The following KLHL1 variants were observed in gnomAD, a reference collection of about 807,000 sequenced individuals.
KLHL1 encodes kelch like family member 1, also known as kelch-like protein 1.
In KLHL1, 47 loss-of-function variants were observed where a neutral mutation model predicts 77.7. The ratio of observed to expected loss-of-function variants is 0.60; its 90% CI spans 0.48 to 0.77. The LOEUF is 0.77. Ranked by LOEUF, KLHL1 falls within the 30% of genes least tolerant of loss-of-function variation. KLHL1 has a pLI of 0.00. For missense variants in KLHL1, 925 were observed against 910.8 expected, an observed-to-expected ratio of 1.02 and a Z score of -0.20; for synonymous variants, 360 against 325.2, an observed-to-expected ratio of 1.11 and a Z score of -1.15.
chr13:69,754,357 T>C (rs1283721742), intron 7 of KLHL1, among the ~76,000 whole-genome samples: 1 of 152,148 alleles, frequency 6.6e-6, no homozygotes, highest in Non-Finnish European at 1.5e-5. Context: ...CTATACTTCT[T>C]TTCTCATTTG....
intron 9 of KLHL1, among the ~76,000 whole-genome samples, chr13:69,708,316 G>C (rs1280818516): frequency 6.6e-6 from 1 of 151,824 alleles, no homozygotes; most frequent in Non-Finnish European, 1.5e-5. Flanking sequence ...TTTGTTTTTT[G>C]TTTTAATGCA....
At chr13:69,915,944 G>T (rs867816187) in intron 4 of KLHL1, among the ~76,000 whole-genome samples, 1 of 152,146 alleles carries the variant, frequency 6.6e-6, no homozygotes, top group African/African-American at 2.4e-5. Context: ...GATATGAACA[G>T]ACACTTCTCG....
chr13:69,736,328 C>T (rs1242021649), intron 8 of KLHL1, among the ~76,000 whole-genome samples: 1 of 152,058 alleles, frequency 6.6e-6, no homozygotes, highest in Non-Finnish European at 1.5e-5. Flanking sequence ...CAAATCAAAA[C>T]CACAATGGAT....
chr13:69,916,480 T>C (rs1443388498), intron 4 of KLHL1, among the ~76,000 whole-genome samples: 3 of 151,764 alleles, frequency 2.0e-5, no homozygotes, highest in East Asian at 2.0e-4. Flanking sequence ...CTCAGCAAAC[T>C]ATCGCAAGGA....
chr13:70,083,454 A>G (rs766230762), intron 1 of KLHL1, among the ~76,000 whole-genome samples: 1 of 152,188 alleles, frequency 6.6e-6, no homozygotes, highest in African/African-American at 2.4e-5. Flanking sequence ...ACATAGCTCA[A>G]TGCACCTGGC....
At chr13:69,934,260 G>A (rs553412205) in intron 4 of KLHL1, among the ~76,000 whole-genome samples, 19 of 152,236 alleles carry the variant, frequency 1.2e-4, no homozygotes, top group South Asian at 4.2e-4. Context: ...TGCCAAGCAC[G>A]ATGGCAGAAG....
intron 4 of KLHL1, among the ~76,000 whole-genome samples, chr13:69,931,115 A>G (rs1882991876): frequency 6.6e-6 from 1 of 151,708 alleles, no homozygotes; most frequent in African/African-American, 2.4e-5. Context: ...TCTCTTTTCA[A>G]ATATAACTGC....
At chr13:69,942,004 G>T (rs1400522572) in intron 3 of KLHL1, among the ~76,000 whole-genome samples, 1 of 151,902 alleles carries the variant, frequency 6.6e-6, no homozygotes, top group Admixed American at 6.6e-5. Flanking sequence ...GGGAGTCAAA[G>T]CTCAATTCTA....
intron 5 of KLHL1, among the ~76,000 whole-genome samples, chr13:69,859,198 C>T (rs189970640): frequency 6.6e-6 from 1 of 152,066 alleles, no homozygotes; most frequent in East Asian, 1.9e-4. Context: ...GGTGTATCTG[C>T]TCCCATTCTT....
chr13:70,024,521 CG>C (rs1566508611), intron 1 of KLHL1, among the ~76,000 whole-genome samples: 1 of 151,602 alleles, frequency 6.6e-6, no homozygotes, highest in Non-Finnish European at 1.5e-5. Flanking sequence ...TTCTCCTCAA[CG>C]TAAGTTTTTT....
chr13:69,801,017 T>G (rs10507772), intron 6 of KLHL1, among the ~76,000 whole-genome samples: 58,035 of 152,026 alleles, frequency 0.38, 11,427 homozygotes, highest in African/African-American at 0.47. Context: ...CAAGGTGAAG[T>G]CGAATTACTC....
chr13:70,021,541 C>T (rs1431556057), intron 1 of KLHL1, among the ~76,000 whole-genome samples: 1 of 152,060 alleles, frequency 6.6e-6, no homozygotes, highest in African/African-American at 2.4e-5. Flanking sequence ...AGCATGATTG[C>T]TGAATCTCAT....
At chr13:69,757,179 T>C (rs1874788187) in intron 7 of KLHL1, among the ~76,000 whole-genome samples, 1 of 152,134 alleles carries the variant, frequency 6.6e-6, no homozygotes, top group Admixed American at 6.6e-5. Context: ...ATCATTTCCG[T>C]GAACCTCCTT....
intron 5 of KLHL1, among the ~76,000 whole-genome samples, chr13:69,856,935 C>T (rs1879941495): frequency 1.3e-5 from 2 of 151,998 alleles, no homozygotes; most frequent in Admixed American, 1.3e-4. Flanking sequence ...CTTCTCTTAG[C>T]ATTTGATATA....
intron 4 of KLHL1, chr13:69,895,214 C>T: frequency 3.9e-6 from 2 of 512,664 alleles, no homozygotes; most frequent in Non-Finnish European, 7.8e-6. Context: ...TGAGGTGTTA[C>T]CAGTTGCAGT....
chr13:70,002,477 A>AT (rs953240674), intron 1 of KLHL1, among the ~76,000 whole-genome samples: 3 of 151,602 alleles, frequency 2.0e-5, no homozygotes, highest in Non-Finnish European at 3.0e-5. Context: ...ATATCAAGTG[A>AT]TCTACAGTTT....
chr13:69,867,201 A>G (rs866181811), intron 5 of KLHL1, among the ~76,000 whole-genome samples: 1 of 152,150 alleles, frequency 6.6e-6, no homozygotes, highest in Admixed American at 6.6e-5. Context: ...TTCTTATATT[A>G]TAAAGTATTT....
intron 1 of KLHL1, among the ~76,000 whole-genome samples, chr13:69,980,833 C>G (rs1334132620): frequency 6.6e-6 from 1 of 152,126 alleles, no homozygotes; most frequent in Non-Finnish European, 1.5e-5. Context: ...TACATCTCTG[C>G]CATATCAAAC....
intron 6 of KLHL1, among the ~76,000 whole-genome samples, chr13:69,829,469 A>G (rs1878676059): frequency 6.7e-6 from 1 of 150,126 alleles, no homozygotes; most frequent in South Asian, 2.1e-4. Context: ...CTTTCCTCTG[A>G]CATAGTCTAT....
Sources: gnomAD v4.1 joint callset for allele counts (sites outside exome capture counted in the v4.1 genomes callset) on GRCh38, gnomAD v4.1.1 for gene constraint, MANE v1.5 for transcripts, NCBI Gene and HGNC (gene_info 2026-07-23, HGNC 2026-07-21) for gene names.